Variants in NXPE2 observed in about 807,000 individuals in gnomAD.
NXPE2 encodes NXPE family member 2.
In NXPE2, 34 loss-of-function variants were observed where a neutral mutation model predicts 34.4. The ratio of observed to expected loss-of-function variants is 0.99; its 90% CI spans 0.75 to 1.31. The LOEUF (loss-of-function observed/expected upper bound fraction) is 1.31, where lower values mean the gene tolerates loss of function less well. NXPE2 is among the 40% of genes most tolerant of loss of function. The pLI is 0.00. For missense variants in NXPE2, 649 were observed against 672.5 expected, an observed-to-expected ratio of 0.97 and a Z score of 0.39; for synonymous variants, 235 against 231.3, an observed-to-expected ratio of 1.02 and a Z score of -0.15.
chr11:114,746,007 T>C, the NXPE2 span, among the ~76,000 whole-genome samples: 1 of 152,116 alleles, frequency 6.6e-6, no homozygotes. Context: ...ACATTTTGTA[T>C]AAATATAAAT....
chr11:114,711,929 G>T (rs1023535009), downstream of NXPE2, among the ~76,000 whole-genome samples: 1 of 152,050 alleles, frequency 6.6e-6, no homozygotes, highest in Non-Finnish European at 1.5e-5. Flanking sequence ...AGAACAAAAA[G>T]CCCAGAAATA....
the NXPE2 span, among the ~76,000 whole-genome samples, chr11:114,805,257 T>C: frequency 6.6e-6 from 1 of 151,364 alleles, no homozygotes; most frequent in Non-Finnish European, 1.5e-5. Flanking sequence ...GCTCCCAGCA[T>C]GAGCCACGCA....
the NXPE2 span, among the ~76,000 whole-genome samples, chr11:114,744,101 A>G: frequency 1.3e-5 from 2 of 152,154 alleles, no homozygotes; most frequent in Admixed American, 1.3e-4. Context: ...TCAAGAGAGT[A>G]GGATGTCTTT....
chr11:114,795,921 T>C, the NXPE2 span, among the ~76,000 whole-genome samples: 1 of 152,204 alleles, frequency 6.6e-6, no homozygotes, highest in African/African-American at 2.4e-5. Flanking sequence ...GCTTATATGG[T>C]ATGATTTGCC....
At chr11:114,468,014 A>T in the NXPE2 span, among the ~76,000 whole-genome samples, 3 of 151,994 alleles carry the variant, frequency 2.0e-5, no homozygotes, top group Non-Finnish European at 1.5e-5. Flanking sequence ...GAGCCTGATG[A>T]TACCCCTTCA....
the NXPE2 span, among the ~76,000 whole-genome samples, chr11:114,593,825 C>A: frequency 6.6e-6 from 1 of 151,968 alleles, no homozygotes; most frequent in South Asian, 2.1e-4. Context: ...ATATACACAA[C>A]GGAGTAGTAT....
chr11:114,534,418 G>A, the NXPE2 span, among the ~76,000 whole-genome samples: 1 of 152,192 alleles, frequency 6.6e-6, no homozygotes, highest in African/African-American at 2.4e-5. Flanking sequence ...ACCAGCAACA[G>A]AACAAAGCTG....
chr11:114,466,517 A>G, the NXPE2 span, among the ~76,000 whole-genome samples: 1 of 151,964 alleles, frequency 6.6e-6, no homozygotes, highest in Non-Finnish European at 1.5e-5. Flanking sequence ...TTTCTGTTAC[A>G]TTTATTCCTT....
At chr11:114,533,666 G>A in the NXPE2 span, among the ~76,000 whole-genome samples, 3 of 152,302 alleles carry the variant, frequency 2.0e-5, no homozygotes, top group East Asian at 1.9e-4. Context: ...AGGGTCCTAC[G>A]CCCACGGAGC....
At chr11:114,794,198 C>G in the NXPE2 span, among the ~76,000 whole-genome samples, 1 of 152,154 alleles carries the variant, frequency 6.6e-6, no homozygotes, top group African/African-American at 2.4e-5. Flanking sequence ...GCCTCATTTC[C>G]AGCCACTTCT....
At chr11:114,516,813 C>A in the NXPE2 span, among the ~76,000 whole-genome samples, 3 of 152,162 alleles carry the variant, frequency 2.0e-5, no homozygotes, top group African/African-American at 7.2e-5. Context: ...TCTGTCCCTT[C>A]TCTTCTGCCT....
At chr11:114,553,897 G>T in the NXPE2 span, 2 of 979,350 alleles carry the variant, frequency 2.0e-6, no homozygotes, top group African/African-American at 3.5e-5. Flanking sequence ...GATCGTGGAA[G>T]TCATCAAAGG....
At chr11:114,606,305 G>C in the NXPE2 span, among the ~76,000 whole-genome samples, 11 of 150,916 alleles carry the variant, frequency 7.3e-5, no homozygotes, top group African/African-American at 2.7e-4. Flanking sequence ...TGCCTCATGG[G>C]GAACCAGTGT....
At position 114,698,524 on chromosome 11, in the gene NXPE2, G is replaced by A. The variant is rs755280740; in HGVS notation, c.612G>A (p.Trp204Ter). ...IHPSEGVSAL[W>*]RARNQGCDRI... ...CCAGTGAAGGGGTATCAGCTCTCTG[G>A]AGGGCAAGGAACCAAGGATGTGATA... is the stretch of plus-strand genomic sequence containing the variant. The change falls in exon 3 of 6, where the codon TGG becomes TGA. Residue 204 changes from tryptophan to a stop codon, truncating the protein, a stop_gained. Transcript: ENST00000389586. LOFTEE classifies it high-confidence loss of function. 6.2e-7 allele frequency: 1 copy of A among 1,613,966 alleles called. No homozygotes were observed. The highest frequency in any genetic ancestry group is 1.3e-5 in the African/African-American group (1 of 74,924).
chr11:114,755,015 G>T, the NXPE2 span, among the ~76,000 whole-genome samples: 1 of 152,204 alleles, frequency 6.6e-6, no homozygotes, highest in Admixed American at 6.5e-5. Flanking sequence ...CGATCTATGA[G>T]ATTTTTGCAA....
chr11:114,533,806 G>A, the NXPE2 span, among the ~76,000 whole-genome samples: 2 of 152,354 alleles, frequency 1.3e-5, no homozygotes, highest in South Asian at 2.1e-4. Context: ...ACTGGGTGGA[G>A]CCCACCACAG....
At chr11:114,625,535 A>G in the NXPE2 span, among the ~76,000 whole-genome samples, 1 of 149,758 alleles carries the variant, frequency 6.7e-6, no homozygotes, top group Admixed American at 6.6e-5. Flanking sequence ...GTATTGCCTC[A>G]TGAGTAACCA....
chr11:114,551,111 A>C, the NXPE2 span: 1 of 1,510,092 alleles, frequency 6.6e-7, no homozygotes, highest in Non-Finnish European at 8.9e-7. Flanking sequence ...ACCTTTGTGA[A>C]GTTCTGAGAA....
the NXPE2 span, among the ~76,000 whole-genome samples, chr11:114,611,337 C>T: frequency 6.6e-6 from 1 of 151,076 alleles, no homozygotes; most frequent in Non-Finnish European, 1.5e-5. Flanking sequence ...ATAAGTATTG[C>T]CTCATGGGTA....
Sources: allele counts gnomAD v4.1 joint callset (sites outside exome capture counted in the v4.1 genomes callset), GRCh38; gene constraint gnomAD v4.1.1; transcripts MANE v1.5; gene names NCBI Gene and HGNC (gene_info 2026-07-23, HGNC 2026-07-21).